Variants in DPP10 observed in about 807,000 individuals in gnomAD.
DPP10 encodes inactive dipeptidyl peptidase 10.
DPP10 carries 33 observed loss-of-function variants against 120.9 expected under a neutral mutation model. The ratio of observed to expected loss-of-function variants is 0.27; its 90% confidence interval spans 0.21 to 0.37. The LOEUF is 0.37. Ranked by LOEUF, DPP10 falls within the 10% of genes least tolerant of loss-of-function variation. The pLI is 1.00. For synonymous variants in DPP10, 337 were observed against 326.1 expected (o/e 1.03, Z -0.36); for missense variants, 816 against 942.8 (o/e 0.87, Z 1.76).
intron 7 of DPP10, among the ~76,000 whole-genome samples, chr2:115,717,057 A>T (rs1476866731): frequency 1.3e-5 from 2 of 152,242 alleles, no homozygotes; most frequent in Non-Finnish European, 2.9e-5. Flanking sequence ...GCTGAAATGC[A>T]TATGCAGGAT....
At chr2:114,543,647 T>G (rs957688591) in intron 1 of DPP10, among the ~76,000 whole-genome samples, 1 of 152,252 alleles carries the variant, frequency 6.6e-6, no homozygotes, top group Non-Finnish European at 1.5e-5. Flanking sequence ...GTCCTCACAC[T>G]TGCTCTGCTG....
chr2:114,557,296 C>T (rs1057226857), intron 1 of DPP10, among the ~76,000 whole-genome samples: 4 of 152,088 alleles, frequency 2.6e-5, no homozygotes, highest in Admixed American at 2.0e-4. Context: ...GCCATTTGCT[C>T]TCAGGGAAAA....
chr2:115,216,236 C>T (rs1452240866), intron 1 of DPP10, among the ~76,000 whole-genome samples: 1 of 151,994 alleles, frequency 6.6e-6, no homozygotes, highest in Non-Finnish European at 1.5e-5. Flanking sequence ...ACACTAAAAG[C>T]CCAGGCTTCC....
At chr2:114,757,413 G>A (rs573516585) in intron 1 of DPP10, among the ~76,000 whole-genome samples, 38 of 150,438 alleles carry the variant, frequency 2.5e-4, no homozygotes, top group African/African-American at 9.0e-4. Flanking sequence ...AGAGAGGGAA[G>A]GAAGGAAGGA....
At chr2:114,565,298 A>G (rs866182172) in intron 1 of DPP10, among the ~76,000 whole-genome samples, 1 of 152,224 alleles carries the variant, frequency 6.6e-6, no homozygotes, top group African/African-American at 2.4e-5. Context: ...AGTGCGTGAC[A>G]TGAAATAAGT....
intron 3 of DPP10, among the ~76,000 whole-genome samples, chr2:115,352,531 T>C (rs911062253): frequency 1.3e-5 from 2 of 152,222 alleles, no homozygotes; most frequent in African/African-American, 4.8e-5. Context: ...ACATCTATCT[T>C]TCCATCTATA....
chr2:114,836,968 TG>T (rs1340278196), intron 1 of DPP10, among the ~76,000 whole-genome samples: 3 of 152,248 alleles, frequency 2.0e-5, no homozygotes, highest in Admixed American at 2.0e-4. Flanking sequence ...TTATCTCTCT[TG>T]TTCCCTGAAC....
At chr2:115,254,828 G>A (rs1305038882) in intron 1 of DPP10, among the ~76,000 whole-genome samples, 1 of 152,218 alleles carries the variant, frequency 6.6e-6, no homozygotes, top group African/African-American at 2.4e-5. Flanking sequence ...TCACCCTGAT[G>A]CAAGAGGTGG....
intron 3 of DPP10, among the ~76,000 whole-genome samples, chr2:115,482,575 C>T (rs1405746683): frequency 1.3e-5 from 2 of 151,972 alleles, no homozygotes; most frequent in Non-Finnish European, 2.9e-5. Context: ...AATCTACTTT[C>T]TATTTCTATG....
chr2:115,534,524 G>C (rs1017300226), intron 5 of DPP10, among the ~76,000 whole-genome samples: 71 of 151,892 alleles, frequency 4.7e-4, no homozygotes, highest in Middle Eastern at 3.4e-3. Flanking sequence ...TGGACATTTG[G>C]GTTGGTTCCA....
At position 115,768,311 on chromosome 2, in the gene DPP10, G is replaced by A; in HGVS notation, c.1128G>A (p.Val376=). 1 of 1,613,592 alleles carries A rather than the reference G, an allele frequency of 6.2e-7. No homozygotes were observed. The highest frequency in any genetic ancestry group is 8.5e-7 in the Non-Finnish European group (1 of 1,179,662). ...CTGTATTTTAGAATGAGGAGCCCGT[G>A]TTTTCTAGAGACGGCAGCAAATTCT... The part of the protein sequence containing the change: ...TWLSQQNEEP[V]FSRDGSKFFM... The change falls in exon 13 of 26, where the codon GTG becomes GTA. Residue 376 remains valine, a synonymous_variant. Transcript: ENST00000410059.
chr2:115,509,958 G>T (rs913758192), intron 4 of DPP10, among the ~76,000 whole-genome samples: 3 of 152,114 alleles, frequency 2.0e-5, no homozygotes, highest in South Asian at 2.1e-4. Context: ...ATTTATTGAT[G>T]ATATTGAGGA....
chr2:115,470,804 C>T (rs533575365), intron 3 of DPP10, among the ~76,000 whole-genome samples: 5 of 152,230 alleles, frequency 3.3e-5, no homozygotes, highest in African/African-American at 1.2e-4. Context: ...AATGTATTGT[C>T]TATTTCACTT....
chr2:114,763,438 A>G (rs2106111716), intron 1 of DPP10, among the ~76,000 whole-genome samples: 1 of 152,320 alleles, frequency 6.6e-6, no homozygotes, highest in East Asian at 1.9e-4. Flanking sequence ...TGTACTTCTC[A>G]CAAAATGAAT....
chr2:115,589,845 T>G (rs181843011), intron 5 of DPP10, among the ~76,000 whole-genome samples: 8 of 152,296 alleles, frequency 5.3e-5, no homozygotes, highest in African/African-American at 1.9e-4. Context: ...AGTATTACAA[T>G]GGATAGTTTC....
intron 7 of DPP10, among the ~76,000 whole-genome samples, chr2:115,700,650 T>G (rs2091846337): frequency 6.6e-6 from 1 of 152,064 alleles, no homozygotes; most frequent in African/African-American, 2.4e-5. Flanking sequence ...TTATTTCCAT[T>G]TACAGATTAT....
chr2:115,122,716 AG>A (rs2049885948), intron 1 of DPP10, among the ~76,000 whole-genome samples: 1 of 152,242 alleles, frequency 6.6e-6, no homozygotes. Context: ...ACAGGAGAAT[AG>A]GCAGTGCAGG....
At chr2:115,567,346 A>G (rs2081066431) in intron 5 of DPP10, among the ~76,000 whole-genome samples, 1 of 152,134 alleles carries the variant, frequency 6.6e-6, no homozygotes, top group Non-Finnish European at 1.5e-5. Flanking sequence ...CTCTCCTTAC[A>G]GATAACCAGA....
intron 1 of DPP10, among the ~76,000 whole-genome samples, chr2:114,501,535 A>G (rs1247875902): frequency 1.3e-5 from 2 of 152,212 alleles, no homozygotes; most frequent in Non-Finnish European, 2.9e-5. Context: ...AATGACCTTT[A>G]TCAAGCGATC....
Sources: gnomAD v4.1 joint callset for allele counts (sites outside exome capture counted in the v4.1 genomes callset) on GRCh38, gnomAD v4.1.1 for gene constraint, MANE v1.5 for transcripts, NCBI Gene and HGNC (gene_info 2026-07-23, HGNC 2026-07-21) for gene names.